CRLF2: variants seen among roughly 807,000 people sequenced by gnomAD.
CRLF2 encodes the protein cytokine receptor like factor 2.
CRLF2 carries 41 observed loss-of-function variants against 38.7 expected under a neutral mutation model. The observed-to-expected ratio is 1.06, with a 90% CI of 0.83 to 1.37. The LOEUF is 1.37. Among genes scored for constraint, CRLF2 ranks in the 40% most tolerant of loss-of-function variants. CRLF2 has a pLI of 0.00. For synonymous variants in CRLF2, 140 were observed against 128.8 expected, an observed-to-expected ratio of 1.09 and a Z score of -0.59; for missense variants, 377 against 322.2, an observed-to-expected ratio of 1.17 and a Z score of -1.30.
chrX:1,191,316 T>TCTTTCTTTCTTTCTTTCTTTCTTTCTTTC (rs2147816261), intron 7 of CRLF2, among the ~76,000 whole-genome samples, 156 bp from the exon 8 acceptor site: 1 of 113,504 alleles, frequency 8.8e-6, no homozygotes, highest in East Asian at 3.2e-4. Flanking sequence ...TTTCTTTCTT[T>TCTTTCTTTCTTTCTTTCTTTCTTTCTTTC]CTTTCTTTCT....
chrX:1,200,193 A>G (rs1191390372), intron 4 of CRLF2, among the ~76,000 whole-genome samples: 11 of 151,072 alleles, frequency 7.3e-5, no homozygotes, highest in African/African-American at 2.7e-4. Flanking sequence ...TAAGCTGTGT[A>G]TATGTGTGTA....
At chrX:1,208,418 G>A (rs766130018) in intron 2 of CRLF2, among the ~76,000 whole-genome samples, 4 of 152,040 alleles carry the variant, frequency 2.6e-5, no homozygotes, top group African/African-American at 9.7e-5. Context: ...AATTAGCTAG[G>A]CATGGTGGCA....
At chrX:1,201,699 T>C (rs2086611887) in intron 4 of CRLF2, among the ~76,000 whole-genome samples, 1 of 151,100 alleles carries the variant, frequency 6.6e-6, no homozygotes. Context: ...AGATAGATGA[T>C]ACTTAGATAG....
Position 1,198,687 on chromosome X carries a change from C to T in CRLF2, c.521G>A (p.Gly174Asp), listed in dbSNP as rs563570058. 3 of 1,611,638 alleles carry T rather than the reference C, an allele frequency of 1.9e-6. No homozygotes were observed. Among genetic ancestry groups the T allele is most frequent in the East Asian group, 4.5e-5 (2 of 44,680 alleles). ...QENTCNVTIE[G>D]LDAEKCYSFW... is the part of the protein sequence containing the mutation. The stretch of plus-strand genomic sequence containing the variant: ...AGAGTAACACTTCTCGGCATCCAAG[C>T]CTTCTATGGTGACGTTGCAGGTATT... Residue 174 changes from glycine to aspartate, a missense_variant, in exon 5 of 8, where the codon GGC (glycine) becomes GAC (aspartate). Coordinates refer to ENST00000400841, the MANE Select transcript of CRLF2 (RefSeq NM_022148.4).
chrX:1,193,623 C>CA lies in CRLF2; in HGVS notation c.768-322dup, dbSNP rs1378046169. On this transcript the variant is annotated intron_variant, in intron 6 of 7. Coordinates refer to ENST00000400841, the MANE Select transcript of CRLF2 (RefSeq NM_022148.4). ...TGAAATCCCCTCTCTAATAAAAATA[C>CA]AAAAAAAAATTAGCCGGGCGTGGTG... 5.4e-3 allele frequency among the ~76,000 whole-genome samples: 811 copies of CA among 149,804 alleles called. 2 individuals are homozygous for CA. Among genetic ancestry groups the CA allele is most frequent in the African/African-American group, 0.012 (495 of 40,848 alleles).
chrX:1,204,150 C>CCGTGTGTGTGTGTGTG (rs1387456703), intron 3 of CRLF2, among the ~76,000 whole-genome samples: 5 of 124,712 alleles, frequency 4.0e-5, no homozygotes, highest in Non-Finnish European at 6.7e-5. Context: ...CCAGCTCACT[C>CCGTGTGTGTGTGTGTG]TGTGTGTGTG....
At position 1,202,537 on chromosome X, in the gene CRLF2, T is replaced by G. The variant is rs1426083675; in HGVS notation, c.350-2A>C. ...CGTGCTTCGGGGAACTGGGTTTCAC[T>G]GAGAAGAAGAAATAACGGAAGCGAC... On this transcript the variant is annotated splice_acceptor_variant, in intron 3 of 7. Coordinates refer to ENST00000400841, the MANE Select transcript of CRLF2 (RefSeq NM_022148.4). LOFTEE classifies it high-confidence loss of function. The G allele has an allele frequency of 6.2e-7, 1 of 1,613,570 alleles. No homozygotes were observed. Among genetic ancestry groups the G allele is most frequent in the Non-Finnish European group, 8.5e-7 (1 of 1,179,694 alleles).
At chrX:1,209,488 T>C (rs9785458) in intron 1 of CRLF2, among the ~76,000 whole-genome samples, 8,706 of 150,298 alleles carry the variant, frequency 0.058, 811 homozygotes, top group African/African-American at 0.2. Context: ...CCCGCCACCA[T>C]GCCTGGATAA....
chrX:1,200,193 ATATG>A (rs1453212023), intron 4 of CRLF2, among the ~76,000 whole-genome samples: 12 of 151,072 alleles, frequency 7.9e-5, no homozygotes, highest in African/African-American at 2.9e-4. Context: ...TAAGCTGTGT[ATATG>A]TGTGTATGTG....
intron 7 of CRLF2, among the ~76,000 whole-genome samples, 188 bp from the exon 8 acceptor site, chrX:1,191,348 T>TTCCTTCCTTCCTTC: frequency 8.1e-6 from 1 of 122,840 alleles, no homozygotes; most frequent in East Asian, 2.8e-4. Context: ...TTTCTTTCCT[T>TTCCTTCCTTCCTTC]CTTTCTTTCT....
At chrX:1,207,806 C>T (rs1165713119) in intron 2 of CRLF2, among the ~76,000 whole-genome samples, 1 of 151,136 alleles carries the variant, frequency 6.6e-6, no homozygotes, top group Non-Finnish European at 1.5e-5. Flanking sequence ...CCTGCCGCCA[C>T]GCCCGGCTAG....
chrX:1,207,973 GT>G (rs1402467620), intron 2 of CRLF2, among the ~76,000 whole-genome samples: 2 of 152,074 alleles, frequency 1.3e-5, no homozygotes, highest in African/African-American at 4.8e-5. Flanking sequence ...ACGCTTTGCC[GT>G]TTATCTCTTT....
intron 7 of CRLF2, among the ~76,000 whole-genome samples, chrX:1,192,775 TCCTC>T (rs2086416086): frequency 7.0e-6 from 1 of 141,868 alleles, no homozygotes; most frequent in African/African-American, 2.7e-5. Flanking sequence ...TTTCCTTCCT[TCCTC>T]TCTCCCCCTT....
At chrX:1,203,938 C>A (rs3923197) in intron 3 of CRLF2, among the ~76,000 whole-genome samples, 126,730 of 151,850 alleles carry the variant, frequency 0.83, 53,770 homozygotes, top group East Asian at 0.95. Flanking sequence ...AAAAAGAAAC[C>A]CAGCCTTACA....
Position 1,208,183 on chromosome X carries a change from C to T in CRLF2, c.182+623G>A, listed in dbSNP as rs549568406. On this transcript the variant is annotated intron_variant, in intron 2 of 7. Coordinates refer to ENST00000400841, the MANE Select transcript of CRLF2 (RefSeq NM_022148.4). ...TTCAGAGACTGAGTCTTTCCCTCCC[C>T]GGCTGCCTAGCAGATAAGACTTAAA... Among the ~76,000 whole-genome samples, 18 of 152,200 alleles carry T rather than the reference C, an allele frequency of 1.2e-4. No individual in the cohort carries two copies. The South Asian group carries it at 2.7e-3, about 23-fold the overall frequency.
At chrX:1,201,793 A>G (rs1462553362) in intron 4 of CRLF2, among the ~76,000 whole-genome samples, 1 of 143,494 alleles carries the variant, frequency 7.0e-6, no homozygotes, top group Non-Finnish European at 1.5e-5. Flanking sequence ...TAGAATAGAG[A>G]TAATGGGTAG....
intron 3 of CRLF2, among the ~76,000 whole-genome samples, chrX:1,203,259 G>T (rs368092118): frequency 6.6e-6 from 1 of 152,106 alleles, no homozygotes; most frequent in Non-Finnish European, 1.5e-5. Context: ...AGACACAGAG[G>T]AGGAGGCCAC....
intron 1 of CRLF2, among the ~76,000 whole-genome samples, chrX:1,212,255 A>G (rs2147860196): frequency 6.6e-6 from 1 of 152,086 alleles, no homozygotes; most frequent in South Asian, 2.1e-4. Context: ...ATAGATAGAC[A>G]CACACACGCA....
Position 1,212,595 on chromosome X carries a change from G to A in CRLF2, c.40C>T (p.Leu14=), listed in dbSNP as rs1247942427. 3 of 1,612,792 alleles carry A rather than the reference G, an allele frequency of 1.9e-6. No individual in the cohort carries two copies. Among genetic ancestry groups the A allele is most frequent in the Non-Finnish European group, 2.5e-6 (3 of 1,179,330 alleles). The change falls in exon 1 of 8, where the codon CTG becomes TTG. Residue 14 remains leucine, a synonymous_variant. Transcript: ENST00000400841. The part of the protein sequence containing the change: ...LVLLWGAAVF[L]LGGWMALGQG... ...CCCAAAGCCATCCAGCCTCCCAGCA[G>A]AAAGACGGCAGCTCCCCACAGCAGA... is the stretch of plus-strand genomic sequence containing the variant.
Sources: allele counts gnomAD v4.1 joint callset (sites outside exome capture counted in the v4.1 genomes callset), GRCh38; gene constraint gnomAD v4.1.1; transcripts MANE v1.5; gene names NCBI Gene and HGNC (gene_info 2026-07-23, HGNC 2026-07-21).